The following GALNT17 variants were observed in gnomAD, a reference collection of about 807,000 sequenced individuals.
GALNT17 encodes the protein UDP-GalNAc:polypeptide N-acetylgalactosaminyltransferase-like 3.
GALNT17 carries 29 observed loss-of-function variants against 63.7 expected under a neutral mutation model. That is an observed-to-expected ratio of 0.46 (90% CI 0.34 to 0.62). GALNT17 has a LOEUF of 0.62. Among genes scored for constraint, GALNT17 ranks in the 20% least tolerant of loss-of-function variants. GALNT17 has a pLI of 0.01. For missense variants in GALNT17, 603 were observed against 799.6 expected (o/e 0.75, Z 2.97); for synonymous variants, 305 against 318.3 (o/e 0.96, Z 0.45).
chr7:71,479,419 C>T (rs922482462), intron 5 of GALNT17, among the ~76,000 whole-genome samples: 13 of 152,152 alleles, frequency 8.5e-5, no homozygotes, highest in Non-Finnish European at 1.6e-4. Context: ...GAGGCTGTGA[C>T]AGGTGGAGAC....
intron 1 of GALNT17, among the ~76,000 whole-genome samples, chr7:71,306,640 T>C (rs1791303911): frequency 6.6e-6 from 1 of 152,184 alleles, no homozygotes; most frequent in African/African-American, 2.4e-5. Context: ...AATTGCTGTT[T>C]TTGCCATTGA....
rs748117760 is a variant in GALNT17, at chr7:71,471,414, AC to A, written c.962+50310del. 1.0e-3 allele frequency among the ~76,000 whole-genome samples: 155 copies of A among 147,892 alleles called. 1 individual carries two copies. Among genetic ancestry groups the A allele is most frequent in the East Asian group, 3.4e-3 (17 of 5,016 alleles). On this transcript the variant is annotated intron_variant, in intron 5 of 10. Coordinates refer to ENST00000333538, the MANE Select transcript of GALNT17 (RefSeq NM_022479.3). ...TTTTTTTTTCCAAAAAAAAAAAAAAACAAAAAAAACCAAAAACCATATTTGG... is the reference window on the plus strand; with the variant it reads ...TTTTTTTTTCCAAAAAAAAAAAAAAAAAAAAAAACCAAAAACCATATTTGG...
chr7:71,248,891 G>A (rs945629718), intron 1 of GALNT17, among the ~76,000 whole-genome samples: 1 of 152,096 alleles, frequency 6.6e-6, no homozygotes, highest in Admixed American at 6.6e-5. Flanking sequence ...TACCGTAAAG[G>A]TGACAGCCTT....
At chr7:71,360,625 A>G (rs567712886) in intron 2 of GALNT17, among the ~76,000 whole-genome samples, 1 of 152,198 alleles carries the variant, frequency 6.6e-6, no homozygotes, top group Non-Finnish European at 1.5e-5. Context: ...TTACAGATAC[A>G]GATGTTTTTA....
At chr7:71,528,495 A>G (rs1788661742) in intron 5 of GALNT17, among the ~76,000 whole-genome samples, 1 of 152,240 alleles carries the variant, frequency 6.6e-6, no homozygotes, top group African/African-American at 2.4e-5. Context: ...ATCTTGAGGC[A>G]GTAGGCTGTC....
chr7:71,190,779 G>A (rs1234350321), intron 1 of GALNT17, among the ~76,000 whole-genome samples: 1 of 151,844 alleles, frequency 6.6e-6, no homozygotes, highest in Non-Finnish European at 1.5e-5. Flanking sequence ...CTACAGGTGT[G>A]CACCACCATG....
chr7:71,145,659 C>T (rs1210583484), intron 1 of GALNT17, among the ~76,000 whole-genome samples: 1 of 152,160 alleles, frequency 6.6e-6, no homozygotes, highest in African/African-American at 2.4e-5. Context: ...TTTCTCCCCT[C>T]TCTTCTTCCC....
intron 1 of GALNT17, among the ~76,000 whole-genome samples, chr7:71,263,698 C>T (rs776852188): frequency 1.8e-4 from 28 of 152,024 alleles, no homozygotes; most frequent in Admixed American, 7.9e-4. Flanking sequence ...CCAAGGCGGG[C>T]GGATCACTAG....
At position 71,347,217 on chromosome 7, in the gene GALNT17, TGA is replaced by T. The variant is rs1436972865; in HGVS notation, c.422+11490_422+11491del. Among the ~76,000 whole-genome samples the T allele has an allele frequency of 3.3e-5, 5 of 152,158 alleles. No homozygotes were observed. In the East Asian group the frequency reaches 7.7e-4, roughly 24 times the overall value. On this transcript the variant is annotated intron_variant, in intron 2 of 10. Transcript: ENST00000333538. ...TATCTGGGCCACCTAAAAACCTTCATGAGAGAGTTATACGTGAAGGTTAAGAG... is the reference window on the plus strand; with the variant it reads ...TATCTGGGCCACCTAAAAACCTTCATGAGAGTTATACGTGAAGGTTAAGAG...
intron 1 of GALNT17, among the ~76,000 whole-genome samples, chr7:71,270,174 C>T (rs1206173077): frequency 6.6e-6 from 1 of 152,222 alleles, no homozygotes; most frequent in South Asian, 2.1e-4. Context: ...GATTGAGAAA[C>T]GTGTTGAAGG....
At chr7:71,657,062 G>A (rs1790839590) in intron 6 of GALNT17, among the ~76,000 whole-genome samples, 1 of 152,160 alleles carries the variant, frequency 6.6e-6, no homozygotes, top group African/African-American at 2.4e-5. Context: ...ATGCCCGAAT[G>A]ATCCTTCCTG....
At chr7:71,511,010 AAATAAT>A (rs1251191267) in intron 5 of GALNT17, among the ~76,000 whole-genome samples, 1 of 151,916 alleles carries the variant, frequency 6.6e-6, no homozygotes, top group Admixed American at 6.6e-5. Context: ...CCATCTTCAC[AAATAAT>A]AATAATAATG....
At chr7:71,236,265 G>A (rs748429055) in intron 1 of GALNT17, among the ~76,000 whole-genome samples, 1 of 152,054 alleles carries the variant, frequency 6.6e-6, no homozygotes, top group Non-Finnish European at 1.5e-5. Context: ...GGTGTAAGGG[G>A]CGGCTGAGGG....
intron 8 of GALNT17, among the ~76,000 whole-genome samples, chr7:71,671,543 C>T (rs1791069764): frequency 6.6e-6 from 1 of 152,178 alleles, no homozygotes; most frequent in Non-Finnish European, 1.5e-5. Context: ...AGGGCAGTCT[C>T]TAGGGCGGTT....
At chr7:71,563,263 G>A (rs1435275370) in intron 5 of GALNT17, among the ~76,000 whole-genome samples, 1 of 152,212 alleles carries the variant, frequency 6.6e-6, no homozygotes, top group Non-Finnish European at 1.5e-5. Context: ...GGAGACTCAC[G>A]TTCTCTGATC....
chr7:71,657,531 C>A (rs1324484517), intron 6 of GALNT17, among the ~76,000 whole-genome samples: 1 of 152,126 alleles, frequency 6.6e-6, no homozygotes, highest in East Asian at 1.9e-4. Context: ...GTGGCCTGGG[C>A]AGTACCTGGC....
chr7:71,391,713 C>T (rs1172102882), intron 3 of GALNT17, among the ~76,000 whole-genome samples: 1 of 152,062 alleles, frequency 6.6e-6, no homozygotes, highest in Non-Finnish European at 1.5e-5. Context: ...TCTCAAACTC[C>T]TGGGCTCAAA....
intron 1 of GALNT17, among the ~76,000 whole-genome samples, chr7:71,265,826 A>G (rs1790483407): frequency 6.6e-6 from 1 of 152,222 alleles, no homozygotes; most frequent in South Asian, 2.1e-4. Context: ...TTTAAGGAAC[A>G]GGATGTATTA....
intron 1 of GALNT17, among the ~76,000 whole-genome samples, chr7:71,283,418 A>G (rs4236244): frequency 1.3e-5 from 2 of 152,158 alleles, no homozygotes; most frequent in Admixed American, 1.3e-4. Context: ...GTATTACAGC[A>G]ACCTGCAAAT....
Sources: allele counts gnomAD v4.1 joint callset (sites outside exome capture counted in the v4.1 genomes callset), GRCh38; gene constraint gnomAD v4.1.1; transcripts MANE v1.5; gene names NCBI Gene and HGNC (gene_info 2026-07-23, HGNC 2026-07-21).